Variants in EXPH5 observed in about 807,000 individuals in gnomAD.
EXPH5 encodes the protein exophilin 5.
A neutral mutation model predicts 41.1 loss-of-function variants in EXPH5; 42 were observed. That is an observed-to-expected ratio of 1.02 (90% CI 0.80 to 1.32). EXPH5 has a LOEUF of 1.32. Among genes scored for constraint, EXPH5 ranks in the 40% most tolerant of loss-of-function variants. The pLI, the probability that EXPH5 is intolerant of heterozygous loss-of-function variation, is 0.00. For synonymous variants in EXPH5, 798 were observed against 833.5 expected, an observed-to-expected ratio of 0.96 and a Z score of 0.73; for missense variants, 2,298 against 2,314.5, an observed-to-expected ratio of 0.99 and a Z score of 0.15.
chr11:108,589,841 T>A (rs1472439071), intron 1 of EXPH5, among the ~76,000 whole-genome samples: 3 of 152,226 alleles, frequency 2.0e-5, no homozygotes, highest in Admixed American at 6.5e-5. Flanking sequence ...CGACCTTTTT[T>A]AATTGTTTCC....
At chr11:108,601,419 T>G in the EXPH5 span, among the ~76,000 whole-genome samples, 1 of 152,156 alleles carries the variant, frequency 6.6e-6, no homozygotes, top group African/African-American at 2.4e-5. Context: ...TTTCCAAGAC[T>G]GACTAAGAAA....
rs2093650632 is a variant in EXPH5, at chr11:108,507,502, C to A, written c.*2035G>T. 6.6e-6 allele frequency: 1 copy of A among 152,182 alleles called. No homozygotes were observed. The highest frequency in any genetic ancestry group is 1.5e-5 in the Non-Finnish European group (1 of 68,030). 9.4% of individuals were successfully genotyped at this position (152,182 alleles called of 1,614,324 possible). A position where few individuals can be genotyped will look rare whatever the true frequency, so the allele number is the denominator to read the frequency against. ...ATGTTGACTATCATAGTATTGAGAT[C>A]CAGGAATCCATGCTGTCTGTAGTTA... On this transcript the variant is annotated 3_prime_UTR_variant, in exon 6 of 6. Transcript: ENST00000265843.
At chr11:108,588,400 G>A (rs2094119387) in intron 1 of EXPH5, among the ~76,000 whole-genome samples, 1 of 152,178 alleles carries the variant, frequency 6.6e-6, no homozygotes, top group Non-Finnish European at 1.5e-5. Flanking sequence ...GTTCTGTTAT[G>A]AGCTAGATGG....
chr11:108,587,807 C>T (rs970823629), intron 1 of EXPH5, among the ~76,000 whole-genome samples: 4 of 152,156 alleles, frequency 2.6e-5, no homozygotes, highest in Admixed American at 2.6e-4. Flanking sequence ...AGCTGGAGTA[C>T]AATGGCGCGG....
Position 108,513,915 on chromosome 11 carries a change from T to C in EXPH5, c.1592A>G (p.Glu531Gly). 5 of 1,609,972 alleles carry C rather than the reference T, an allele frequency of 3.1e-6. No individual in the cohort carries two copies. Among genetic ancestry groups the C allele is most frequent in the Non-Finnish European group, 4.2e-6 (5 of 1,178,486 alleles). Reference sequence around the variant, plus strand: ...TGTTCCATAACCAGAAGAAAATGATTCCCAGTGTTCAGAAGAAACATTATG... The same window carrying C: ...TGTTCCATAACCAGAAGAAAATGATCCCCAGTGTTCAGAAGAAACATTATG... Reference protein sequence around the residue: ...HGHNVSSEHWESFSSGYGTDV... With the variant: ...HGHNVSSEHWGSFSSGYGTDV... Residue 531 changes from glutamate (E) to glycine (G), a missense_variant, in exon 6 of 6, where the codon GAA becomes GGA. By Grantham distance (98) the Glu-to-Gly change is moderately conservative. Transcript: ENST00000265843.
chr11:108,529,529 G>C lies in EXPH5; in HGVS notation c.444-1345C>G, dbSNP rs527358499. Among the ~76,000 whole-genome samples the C allele has an allele frequency of 2.6e-5, 4 of 152,174 alleles. No homozygotes were observed. The South Asian group carries it at 8.3e-4, about 32-fold the overall frequency. On this transcript the variant is annotated intron_variant, in intron 3 of 5. Coordinates refer to ENST00000265843, the MANE Select transcript of EXPH5 (RefSeq NM_015065.3). ...TTTAAATCTACAGTCTCATGCCAAGGGGTTCTCTGTCTGAATTCATGATTT... is the reference window on the plus strand; with the variant it reads ...TTTAAATCTACAGTCTCATGCCAAGCGGTTCTCTGTCTGAATTCATGATTT...
intron 3 of EXPH5, 71 bp downstream of exon 3, chr11:108,538,953 A>C: frequency 7.6e-7 from 1 of 1,309,164 alleles, no homozygotes; most frequent in East Asian, 2.4e-5. Flanking sequence ...AACATTTTGA[A>C]CACAAAACAG....
Position 108,509,684 on chromosome 11 carries a change from G to A in EXPH5, c.5823C>T (p.Pro1941=), listed in dbSNP as rs1233980438. The A allele has an allele frequency of 6.2e-7, 1 of 1,613,664 alleles. No homozygotes were observed. The highest frequency in any genetic ancestry group is 1.3e-5 in the African/African-American group (1 of 74,874). The change falls in exon 6 of 6, where the codon CCC becomes CCT. Residue 1941 remains proline, a synonymous_variant. Coordinates refer to ENST00000265843, the MANE Select transcript of EXPH5 (RefSeq NM_015065.3). ...AGCCATCTTCTGGCACCTGACTACT[G>A]GGAGAATTTGAGCTTAATGACTCTG... ...NPSESLSSNS[P]SSQVPEDGLS...
intron 1 of EXPH5, among the ~76,000 whole-genome samples, chr11:108,573,168 G>GA: frequency 1.4e-5 from 2 of 143,002 alleles, no homozygotes; most frequent in South Asian, 4.5e-4. Context: ...AAGAAAGAAA[G>GA]AAAGAAAGAA....
chr11:108,539,265 G>T, intron 2 of EXPH5, 79 bp from the exon 3 acceptor site: 1 of 1,088,884 alleles, frequency 9.2e-7, no homozygotes, highest in Non-Finnish European at 1.3e-6. Flanking sequence ...CTTTGCTCTT[G>T]TGTCACTTTC....
At chr11:108,603,800 C>T in the EXPH5 span, among the ~76,000 whole-genome samples, 3 of 152,188 alleles carry the variant, frequency 2.0e-5, no homozygotes, top group African/African-American at 7.2e-5. Context: ...ATGACCTCCA[C>T]CTGTGGGCAG....
At chr11:108,538,817 G>C (rs1055138878) in intron 3 of EXPH5, among the ~76,000 whole-genome samples, 2 of 152,204 alleles carry the variant, frequency 1.3e-5, no homozygotes, top group African/African-American at 4.8e-5. Flanking sequence ...TCTGCAGCTC[G>C]TTAGAAGTTG....
At position 108,511,953 on chromosome 11, in the gene EXPH5, A is replaced by C; in HGVS notation, c.3554T>G (p.Phe1185Cys). 1 of 1,600,974 alleles carries C rather than the reference A, an allele frequency of 6.2e-7. No homozygotes were observed. Among genetic ancestry groups the C allele is most frequent in the South Asian group, 1.1e-5 (1 of 88,104 alleles). The change falls in exon 6 of 6, where the codon TTC becomes TGC. Residue 1185 changes from phenylalanine to cysteine, a missense_variant. Transcript: ENST00000265843. ...ACCCTCTTTCTCAGTGTATTCTTGGAAGTTTTCCTTTTGGTGTTGTCTTTT... is the reference window on the plus strand; with the variant it reads ...ACCCTCTTTCTCAGTGTATTCTTGGCAGTTTTCCTTTTGGTGTTGTCTTTT... ...LTKRQHQKENFQEYTEKEGKM... is the reference protein window; with the variant it reads ...LTKRQHQKENCQEYTEKEGKM...
intron 3 of EXPH5, among the ~76,000 whole-genome samples, chr11:108,535,510 C>G (rs866596933): frequency 3.3e-5 from 5 of 152,046 alleles, no homozygotes; most frequent in South Asian, 2.1e-4. Context: ...GACATAGGCA[C>G]TCAACTAGCA....
In EXPH5 at chr11:108,518,274, G is replaced by A. The variant is rs776610593; in HGVS notation, c.592C>T (p.Pro198Ser). 1 of 1,613,732 alleles carries A rather than the reference G, an allele frequency of 6.2e-7. No homozygotes were observed. Residue 198 changes from proline to serine, a missense_variant, in exon 5 of 6, where the codon CCG becomes TCG. Physicochemically the swap from Pro to Ser is moderately conservative, Grantham distance 74 (BLOSUM62 -1). Transcript: ENST00000265843. ...TTCTCCAGCAGTGAAGCATCCCACG[G>A]TGGAGGCATGCCACTCTCCTCCCTC... Reference protein sequence around the residue: ...VMREESGMPPPWDASLLENEF... With the variant: ...VMREESGMPPSWDASLLENEF...
chr11:108,541,600 C>G (rs1194910438), intron 2 of EXPH5, 52 bp downstream of exon 2: 103 of 1,298,918 alleles, frequency 7.9e-5, no homozygotes, highest in Non-Finnish European at 1.1e-4. Context: ...ATCTACAATA[C>G]TATGCCACAG....
At chr11:108,565,576 A>C (rs1355340968) in intron 1 of EXPH5, among the ~76,000 whole-genome samples, 1 of 152,202 alleles carries the variant, frequency 6.6e-6, no homozygotes, top group Non-Finnish European at 1.5e-5. Context: ...CACTCTCTTC[A>C]TCTTTTCCCA....
chr11:108,604,459 C>A, the EXPH5 span, among the ~76,000 whole-genome samples: 1 of 152,032 alleles, frequency 6.6e-6, no homozygotes, highest in African/African-American at 2.4e-5. Context: ...ACTTTATTTC[C>A]TTTTATTTCA....
intron 1 of EXPH5, among the ~76,000 whole-genome samples, chr11:108,572,662 G>C (rs1297305779): frequency 6.6e-6 from 1 of 152,122 alleles, no homozygotes; most frequent in African/African-American, 2.4e-5. Context: ...AGGTTCAAGC[G>C]ATTCTCCTGC....
Sources: allele counts gnomAD v4.1 joint callset (sites outside exome capture counted in the v4.1 genomes callset), GRCh38; gene constraint gnomAD v4.1.1; transcripts MANE v1.5; gene names NCBI Gene and HGNC (gene_info 2026-07-23, HGNC 2026-07-21).